The following COPA variants were observed in gnomAD, a reference collection of about 807,000 sequenced individuals.
COPA encodes the protein coatomer subunit alpha.
Under a neutral mutation model 158.7 loss-of-function variants are expected in COPA, and 10 were observed. The observed-to-expected ratio is 0.06, with a 90% CI of 0.04 to 0.11. The LOEUF is 0.11. Among genes scored for constraint, COPA ranks in the 10% least tolerant of loss-of-function variants. The pLI is 1.00. For missense variants in COPA, 1,065 were observed against 1,536.7 expected (o/e 0.69, Z 5.13); for synonymous variants, 462 against 542.8 (o/e 0.85, Z 2.07).
At chr1:160,311,050 C>T (rs1658950623) in intron 11 of COPA, among the ~76,000 whole-genome samples, 1 of 152,206 alleles carries the variant, frequency 6.6e-6, no homozygotes, top group Non-Finnish European at 1.5e-5. Flanking sequence ...CTCATGACCA[C>T]TTCCTTGCCT....
In COPA at chr1:160,330,149, C is replaced by A. The variant is rs1173372120; in HGVS notation, c.496+2299G>T. On this transcript the variant is annotated intron_variant, in intron 6 of 32. Coordinates refer to ENST00000241704, the MANE Select transcript of COPA (RefSeq NM_004371.4). ...CCCCCAAAAAAAAATTGCCCCTGAT[C>A]AGCTGGAATAGCATGAATTGGGATC... Among the ~76,000 whole-genome samples the A allele has an allele frequency of 4.0e-5, 6 of 151,786 alleles. No homozygotes were observed. The East Asian group carries it at 1.2e-3, about 29-fold the overall frequency.
intron 10 of COPA, 125 bp from the exon 11 acceptor site, chr1:160,312,143 G>A (rs1658988537): frequency 1.1e-6 from 1 of 875,582 alleles, no homozygotes; most frequent in Non-Finnish European, 1.7e-6. Context: ...TCCCTTATTT[G>A]CCTAAATTCT....
rs1438786931 is a variant in COPA at position 160,292,579 on chromosome 1, G to A, written c.2865C>T (p.Tyr955=). ...DQVGVIQFGP[Y]KQLFLQTYAR... Reference sequence around the variant, plus strand: ...CGTATGTCTGTAGGAACAGTTGCTTGTAGGGGCCAAACTGGATTACCCCTA... The same window carrying A: ...CGTATGTCTGTAGGAACAGTTGCTTATAGGGGCCAAACTGGATTACCCCTA... Residue 955 remains tyrosine, a synonymous_variant, in exon 28 of 33, where the codon TAC becomes TAT. Coordinates refer to ENST00000241704, the MANE Select transcript of COPA (RefSeq NM_004371.4). 6.2e-7 allele frequency: 1 copy of A among 1,613,848 alleles called. No individual in the cohort carries two copies. The highest frequency in any genetic ancestry group is 1.1e-5 in the South Asian group (1 of 91,052).
At chr1:160,314,869 C>T (rs1659083921) in intron 8 of COPA, among the ~76,000 whole-genome samples, 1 of 151,998 alleles carries the variant, frequency 6.6e-6, no homozygotes, top group African/African-American at 2.4e-5. Context: ...AAAGGAGGTA[C>T]TCAATAAATA....
intron 5 of COPA, among the ~76,000 whole-genome samples, 181 bp from the exon 6 acceptor site, chr1:160,332,738 G>T (rs1461352248): frequency 2.0e-5 from 3 of 152,168 alleles, no homozygotes; most frequent in African/African-American, 2.4e-5. Context: ...TTTAACAATA[G>T]TTCTCTTCTT....
At position 160,292,684 on chromosome 1, in the gene COPA, G is replaced by A. The variant is rs1469410009; in HGVS notation, c.2824-64C>T. ...TGCATAAAAAGCTACTTTTCCTTGG[G>A]CAAGGTAATTAATTTCTCTGTTCAC... On this transcript the variant is annotated intron_variant, in intron 27 of 32. Coordinates refer to ENST00000241704, the MANE Select transcript of COPA (RefSeq NM_004371.4). 3.7e-6 allele frequency: 5 copies of A among 1,359,042 alleles called. No homozygotes were observed. In the African/African-American group the frequency reaches 4.4e-5, roughly 12 times the overall value. The allele number at this position is 1,359,042 out of a possible 1,614,324, so 84.2% of individuals were successfully genotyped here.
chr1:160,314,877 A>G (rs1421351050), intron 8 of COPA, among the ~76,000 whole-genome samples: 2 of 152,158 alleles, frequency 1.3e-5, no homozygotes, highest in African/African-American at 4.8e-5. Flanking sequence ...TACTCAATAA[A>G]TATTTGTCAA....
chr1:160,323,243 C>T (rs1410714818), intron 8 of COPA, among the ~76,000 whole-genome samples, 188 bp downstream of exon 8: 1 of 152,068 alleles, frequency 6.6e-6, no homozygotes, highest in Non-Finnish European at 1.5e-5. Flanking sequence ...TTTATTACCA[C>T]TTAACTGTAC....
Position 160,325,568 on chromosome 1 carries a change from T to C in COPA, c.581A>G (p.Asp194Gly). 1 of 1,614,194 alleles carries C rather than the reference T, an allele frequency of 6.2e-7. No individual in the cohort carries two copies. Among genetic ancestry groups the C allele is most frequent in the South Asian group, 1.1e-5 (1 of 91,088 alleles). Residue 194 changes from aspartate (D) to glycine (G), a missense_variant, in exon 7 of 33, where the codon GAT becomes GGT. By Grantham distance (94) the Asp-to-Gly change is moderately conservative (BLOSUM62 -1). This residue lies in a region of COPA where 980 missense variants were observed against 1,357.8 expected (regional missense o/e 0.72). Coordinates refer to ENST00000241704, the MANE Select transcript of COPA (RefSeq NM_004371.4). The part of the protein sequence containing the change: ...ITGVDLFGTT[D>G]AVVKHVLEGH... The stretch of plus-strand genomic sequence containing the variant: ...CTCTAGTACATGCTTCACCACTGCA[T>C]CTGTAGTTCCAAATAGATCAACCCC...
intron 8 of COPA, 100 bp from the exon 9 acceptor site, chr1:160,314,225 C>T: frequency 1.5e-6 from 2 of 1,303,308 alleles, no homozygotes; most frequent in East Asian, 2.5e-5. Flanking sequence ...AGTACTATTA[C>T]AGAATGCTAA....
chr1:160,318,616 C>A (rs1659236953), intron 8 of COPA, among the ~76,000 whole-genome samples: 1 of 151,554 alleles, frequency 6.6e-6, no homozygotes, highest in Non-Finnish European at 1.5e-5. Flanking sequence ...GTACACAATC[C>A]ACTTATAACT....
At chr1:160,323,016 C>CACAA (rs957643035) in intron 8 of COPA, among the ~76,000 whole-genome samples, 1 of 151,152 alleles carries the variant, frequency 6.6e-6, no homozygotes, top group Non-Finnish European at 1.5e-5. Context: ...CACACACACA[C>CACAA]AATGGAATAT....
At chr1:160,337,448 G>A (rs181306068) in intron 3 of COPA, among the ~76,000 whole-genome samples, 39 of 152,302 alleles carry the variant, frequency 2.6e-4, no homozygotes, top group Admixed American at 2.2e-3. Context: ...GGCCGGGTGC[G>A]GTGGCTCACG....
chr1:160,291,212 C>T (rs1182877284), intron 31 of COPA, 123 bp downstream of exon 31: 1 of 1,088,164 alleles, frequency 9.2e-7, no homozygotes, highest in East Asian at 2.4e-5. Flanking sequence ...GGGTAGCATT[C>T]TGTTGGCTTT....
intron 13 of COPA, chr1:160,308,823 C>A: frequency 2.8e-6 from 1 of 361,568 alleles, no homozygotes; most frequent in Non-Finnish European, 5.0e-6. Context: ...TATCAACTGA[C>A]AATAAACTAG....
In COPA at chr1:160,312,032, A is replaced by G. The variant is rs1571163826; in HGVS notation, c.926-14T>C. On this transcript the variant is annotated splice_polypyrimidine_tract_variant and intron_variant, in intron 10 of 32. Coordinates refer to ENST00000241704, the MANE Select transcript of COPA (RefSeq NM_004371.4). Reference sequence around the variant, plus strand: ...CACCATCATGGCCTGGGGGACAGGGAGAGGAGGAGAAAAAATTAAGCTGTA... The same window carrying G: ...CACCATCATGGCCTGGGGGACAGGGGGAGGAGGAGAAAAAATTAAGCTGTA... 1 of 1,608,810 alleles carries G rather than the reference A, an allele frequency of 6.2e-7. No individual in the cohort carries two copies.
chr1:160,332,606 G>GA (rs1308278353), intron 5 of COPA, 49 bp from the exon 6 acceptor site: 2 of 1,330,298 alleles, frequency 1.5e-6, no homozygotes, highest in Non-Finnish European at 2.1e-6. Flanking sequence ...GAAGTCAACA[G>GA]ACTCCTAAAC....
At chr1:160,323,853 ATTTTATT>A (rs1030524240) in intron 7 of COPA, among the ~76,000 whole-genome samples, 5 of 152,030 alleles carry the variant, frequency 3.3e-5, no homozygotes, top group African/African-American at 7.2e-5. Flanking sequence ...CTCCAGACAA[ATTTTATT>A]TTTTATTTTT....
intron 17 of COPA, 154 bp from the exon 18 acceptor site, chr1:160,299,418 A>T: frequency 1.5e-6 from 1 of 663,238 alleles, no homozygotes; most frequent in East Asian, 2.7e-5. Context: ...TAAATGCCAA[A>T]TTTATCATAT....
Sources: allele counts gnomAD v4.1 joint callset (sites outside exome capture counted in the v4.1 genomes callset), GRCh38; gene constraint gnomAD v4.1.1; regional missense constraint gnomAD v4.1.1; transcripts MANE v1.5; gene names NCBI Gene and HGNC (gene_info 2026-07-23, HGNC 2026-07-21).